The following IFT74 variants were observed in gnomAD, a reference collection of about 807,000 sequenced individuals.
IFT74 encodes intraflagellar transport 74.
IFT74 carries 92 observed loss-of-function variants against 96.7 expected under a neutral mutation model. That is an observed-to-expected ratio of 0.95 (90% confidence interval 0.80 to 1.13). IFT74 has a LOEUF of 1.13. IFT74 is among the 50% of genes most tolerant of loss of function. IFT74 has a pLI of 0.00. For synonymous variants in IFT74, 223 were observed against 213.2 expected (o/e 1.05, Z -0.40); for missense variants, 811 against 698.2 (o/e 1.16, Z -1.82).
intron 8 of IFT74, among the ~76,000 whole-genome samples, chr9:26,999,926 A>G (rs1466407721): frequency 6.6e-6 from 1 of 151,988 alleles, no homozygotes; most frequent in Non-Finnish European, 1.5e-5. Flanking sequence ...ATGCACTACC[A>G]TGCCTGGCTA....
At chr9:26,973,137 G>T (rs547182099) in intron 2 of IFT74, among the ~76,000 whole-genome samples, 1 of 152,176 alleles carries the variant, frequency 6.6e-6, no homozygotes, top group African/African-American at 2.4e-5. Context: ...AGGGGCATGC[G>T]CAGAAAGCAT....
chr9:27,037,404 G>T (rs1194964484), intron 13 of IFT74, among the ~76,000 whole-genome samples: 2 of 152,152 alleles, frequency 1.3e-5, no homozygotes, highest in African/African-American at 4.8e-5. Context: ...GATAGTAAGG[G>T]ATGACTAGCT....
At chr9:26,989,936 G>T (rs1032525848) in intron 7 of IFT74, among the ~76,000 whole-genome samples, 198 bp from the exon 8 acceptor site, 1 of 152,094 alleles carries the variant, frequency 6.6e-6, no homozygotes, top group African/African-American at 2.4e-5. Flanking sequence ...AGATTACAAT[G>T]CTTCTTAAAA....
intron 13 of IFT74, among the ~76,000 whole-genome samples, chr9:27,031,781 T>TA (rs1030206841): frequency 2.4e-4 from 29 of 122,744 alleles, no homozygotes; most frequent in South Asian, 8.1e-4. Context: ...TAAAATAAAA[T>TA]AAATAAAATA....
At chr9:27,011,779 T>G (rs535065820) in intron 9 of IFT74, 127 bp from the exon 10 acceptor site, 3 of 447,960 alleles carry the variant, frequency 6.7e-6, no homozygotes, top group South Asian at 1.7e-4. Flanking sequence ...TTTAGAAAAT[T>G]TACTTAGTCA....
chr9:26,973,926 A>T (rs998465282), intron 2 of IFT74, among the ~76,000 whole-genome samples: 7 of 152,222 alleles, frequency 4.6e-5, no homozygotes, highest in Admixed American at 1.3e-4. Context: ...CTTGAAAGTC[A>T]TGAGTGGAAG....
intron 12 of IFT74, among the ~76,000 whole-genome samples, chr9:27,020,150 T>G (rs1829531695): frequency 1.3e-5 from 2 of 151,974 alleles, no homozygotes; most frequent in Non-Finnish European, 2.9e-5. Flanking sequence ...TAAGATTGTT[T>G]TAATTTTAAT....
At chr9:26,972,501 C>T (rs918154697) in intron 2 of IFT74, among the ~76,000 whole-genome samples, 5 of 152,244 alleles carry the variant, frequency 3.3e-5, no homozygotes, top group African/African-American at 1.2e-4. Context: ...TTAACAAAAA[C>T]GTGAAATGGC....
In IFT74 at chr9:27,037,512, A is replaced by G. The variant is rs375942459; in HGVS notation, c.1055-7230A>G. On this transcript the variant is annotated intron_variant, in intron 13 of 19. Transcript: ENST00000380062. ...GTATCAGCATTCCCAGAAGAGCTCAAGAAACTCAGAAGACAAAGGATACCT... is the reference window on the plus strand; with the variant it reads ...GTATCAGCATTCCCAGAAGAGCTCAGGAAACTCAGAAGACAAAGGATACCT... 2.7e-4 allele frequency among the ~76,000 whole-genome samples: 41 copies of G among 152,348 alleles called. No individual in the cohort carries two copies. The East Asian group carries it at 4.8e-3, about 18-fold the overall frequency.
rs1820574053 is a variant in IFT74, at chr9:27,065,311, C to T, written c.*2575C>T. On this transcript the variant is annotated 3_prime_UTR_variant, in exon 20 of 20. Transcript: ENST00000380062. ...TTTCCACAAATCCAACAAGAATATT[C>T]TCTTTACTGGGATAGAACTGGAGGC... Among the ~76,000 whole-genome samples, 2 of 152,138 alleles carry T rather than the reference C, an allele frequency of 1.3e-5. No homozygotes were observed. Among genetic ancestry groups the T allele is most frequent in the African/African-American group, 4.8e-5 (2 of 41,440 alleles).
Position 27,047,291 on chromosome 9 carries a change from G to C in IFT74, c.1126G>C (p.Glu376Gln). ...EHMDTFIETF[E>Q]ETKNQELKRK... ...ATTGTCAGCTTTTATTGAGACTTTT[G>C]AGGAAACAAAGAATCAGGAACTGAA... Residue 376 changes from glutamate to glutamine, a missense_variant, in exon 15 of 20, where the codon GAG (glutamate) becomes CAG (glutamine). Transcript: ENST00000380062. The C allele has an allele frequency of 6.2e-7, 1 of 1,611,434 alleles. No individual in the cohort carries two copies. The highest frequency in any genetic ancestry group is 8.5e-7 in the Non-Finnish European group (1 of 1,178,004).
chr9:27,013,185 A>G (rs567446355), intron 10 of IFT74, among the ~76,000 whole-genome samples: 229 of 152,258 alleles, frequency 1.5e-3, no homozygotes, highest in African/African-American at 5.3e-3. Flanking sequence ...GAAAACCTCA[A>G]GTGGGGTTCC....
At chr9:26,997,861 G>A (rs779354710) in intron 8 of IFT74, 25 of 1,613,998 alleles carry the variant, frequency 1.5e-5, no homozygotes, top group Non-Finnish European at 1.9e-5. Context: ...TAATCAAATT[G>A]CCTTGCAGAT....
rs1431024089 is a variant in IFT74 at position 27,064,316 on chromosome 9, T to G, written c.*1580T>G. Among the ~76,000 whole-genome samples, 1 of 152,118 alleles carries G rather than the reference T, an allele frequency of 6.6e-6. No homozygotes were observed. The highest frequency in any genetic ancestry group is 1.5e-5 in the Non-Finnish European group (1 of 67,978). On this transcript the variant is annotated 3_prime_UTR_variant, in exon 20 of 20. Transcript: ENST00000380062. Reference sequence around the variant, plus strand: ...CACCCTCAGCTGTTTTATGCTGTGATTGTATGGGGTTTTCTATTGGAAATT... The same window carrying G: ...CACCCTCAGCTGTTTTATGCTGTGAGTGTATGGGGTTTTCTATTGGAAATT...
intron 1 of IFT74, among the ~76,000 whole-genome samples, chr9:26,958,039 C>T (rs902615414): frequency 1.3e-5 from 2 of 152,126 alleles, no homozygotes; most frequent in Admixed American, 1.3e-4. Context: ...AGGCGTGAGC[C>T]ACCGCTCCCG....
Position 27,044,699 on chromosome 9 carries a change from G to A in IFT74, c.1055-43G>A, listed in dbSNP as rs775604921. The A allele has an allele frequency of 2.1e-5, 24 of 1,155,182 alleles. No individual in the cohort carries two copies. The Admixed American group carries it at 3.3e-4, about 16-fold the overall frequency. 71.6% of individuals were successfully genotyped at this position (1,155,182 alleles called of 1,614,324 possible). On this transcript the variant is annotated intron_variant, in intron 13 of 19. Coordinates refer to ENST00000380062, the MANE Select transcript of IFT74 (RefSeq NM_025103.4). ...AGATTTTTAATTTAGAGCCCTGTAT[G>A]TGCAATTTTTGAAATTCATGTTGTA...
intron 8 of IFT74, among the ~76,000 whole-genome samples, chr9:27,006,831 G>GTTT (rs35534656): frequency 2.2e-3 from 139 of 64,384 alleles, no homozygotes; most frequent in African/African-American, 4.1e-3. Flanking sequence ...ATTATTGTGT[G>GTTT]TTTTTTTTTT....
intron 1 of IFT74, among the ~76,000 whole-genome samples, chr9:26,947,700 G>A (rs1395594968): frequency 2.0e-5 from 3 of 152,192 alleles, no homozygotes; most frequent in Non-Finnish European, 4.4e-5. Context: ...AAAGCTTGAG[G>A]CCAAATTGGG....
At chr9:26,975,346 A>G (rs1827068261) in intron 2 of IFT74, among the ~76,000 whole-genome samples, 2 of 152,102 alleles carry the variant, frequency 1.3e-5, no homozygotes, top group Admixed American at 1.3e-4. Flanking sequence ...TCCTTTTGGG[A>G]GACAGGGCTT....
Sources: gnomAD v4.1 joint callset for allele counts (sites outside exome capture counted in the v4.1 genomes callset) on GRCh38, gnomAD v4.1.1 for gene constraint, MANE v1.5 for transcripts, NCBI Gene and HGNC (gene_info 2026-07-23, HGNC 2026-07-21) for gene names.